Variants in PAX6 observed in about 807,000 individuals in gnomAD.
The protein encoded by PAX6 is paired box protein Pax-6.
Under a neutral mutation model 60.7 loss-of-function variants are expected in PAX6, and 7 were observed. The ratio of observed to expected loss-of-function variants is 0.12; its 90% CI spans 0.07 to 0.22. The LOEUF (loss-of-function observed/expected upper bound fraction) is 0.22. PAX6 is among the 10% of genes least tolerant of loss of function. The pLI, the probability that PAX6 is intolerant of heterozygous loss-of-function variation, is 1.00. For missense variants in PAX6, 355 were observed against 555.2 expected (o/e 0.64, Z 3.62); for synonymous variants, 208 against 201.2 (o/e 1.03, Z -0.29).
intron 2 of PAX6, 67 bp from the exon 3 acceptor site, chr11:31,806,992 C>G (rs1955973069): frequency 6.6e-6 from 1 of 152,436 alleles, no homozygotes; most frequent in African/African-American, 2.4e-5. Context: ...TCCATGGGCT[C>G]TCTGAGCCTC....
Position 31,806,391 on chromosome 11 carries a change from G to T in PAX6, c.10+11C>A, listed in dbSNP as rs954424951. On this transcript the variant is annotated intron_variant, in intron 4 of 13. Coordinates refer to ENST00000640368, the MANE Select transcript of PAX6 (RefSeq NM_001368894.2). ...CGAGCCCGAAGTCCCAGAAAGACCA[G>T]AGGCACTTACTGTTCTGCATGCTGG... 6.2e-7 allele frequency: 1 copy of T among 1,608,894 alleles called. No homozygotes were observed. The highest frequency in any genetic ancestry group is 8.5e-7 in the Non-Finnish European group (1 of 1,177,802).
chr11:31,793,378 T>C (rs1220216125), intron 12 of PAX6, 60 bp downstream of exon 12: 6 of 1,436,696 alleles, frequency 4.2e-6, no homozygotes, highest in Non-Finnish European at 5.9e-6. Context: ...CCGCAGGCCC[T>C]GAGCCACTCC....
chr11:31,806,081 G>T (rs1955706837), intron 4 of PAX6: 2 of 422,660 alleles, frequency 4.7e-6, no homozygotes, highest in South Asian at 5.5e-5. Context: ...TCTCTCCGGG[G>T]TCAGAGCCCG....
intron 12 of PAX6, chr11:31,791,732 C>A (rs945913471): frequency 1.3e-5 from 2 of 152,084 alleles, no homozygotes; most frequent in Admixed American, 6.5e-5. Flanking sequence ...GAGAGGGAAG[C>A]ATATCAGAGA....
chr11:31,803,174 A>C (rs1227364312), intron 4 of PAX6: 1 of 384,070 alleles, frequency 2.6e-6, no homozygotes, highest in Admixed American at 3.7e-5. Flanking sequence ...ATGCCAAGGA[A>C]CAAGTACACA....
intron 10 of PAX6, 48 bp from the exon 11 acceptor site, chr11:31,793,850 G>T (rs770720391): frequency 5.0e-6 from 8 of 1,610,954 alleles, no homozygotes; most frequent in Non-Finnish European, 5.9e-6. Flanking sequence ...GTCGAGCCCA[G>T]CCCCACCTTG....
intron 8 of PAX6, among the ~76,000 whole-genome samples, chr11:31,798,244 C>T (rs1344498901): frequency 1.3e-5 from 2 of 151,870 alleles, no homozygotes; most frequent in African/African-American, 2.4e-5. Context: ...AAAAGTGTCT[C>T]CGTGATCCCT....
At chr11:31,792,995 T>C in intron 12 of PAX6, 1 of 488,116 alleles carries the variant, frequency 2.0e-6, no homozygotes, top group Non-Finnish European at 3.7e-6. Flanking sequence ...GTTTATCACA[T>C]ATACCCAAAG....
At chr11:31,804,509 G>A (rs927378850) in intron 4 of PAX6, 1 of 152,270 alleles carries the variant, frequency 6.6e-6, no homozygotes, top group Non-Finnish European at 1.5e-5. Context: ...GCGTTTGGGG[G>A]ATCTGGGCTC....
intron 8 of PAX6, among the ~76,000 whole-genome samples, chr11:31,796,178 A>G (rs1951439300): frequency 6.6e-6 from 1 of 152,180 alleles, no homozygotes; most frequent in Admixed American, 6.5e-5. Flanking sequence ...GATGACCACC[A>G]ACACTTGAAT....
chr11:31,793,295 C>T (rs886810862), intron 12 of PAX6, 143 bp downstream of exon 12: 19 of 742,366 alleles, frequency 2.6e-5, no homozygotes, highest in Admixed American at 1.4e-4. Context: ...GATTGACTGT[C>T]TCCGACTTGA....
At chr11:31,812,412 C>G (rs1957143257), upstream of PAX6, 1 of 152,154 alleles carries the variant, frequency 6.6e-6, no homozygotes, top group Non-Finnish European at 1.5e-5. Flanking sequence ...GTGCGTGTGT[C>G]TCCGCACCAC....
intron 2 of PAX6, chr11:31,807,628 C>CT (rs1956144701): frequency 6.6e-6 from 1 of 152,336 alleles, no homozygotes; most frequent in Admixed American, 6.5e-5. Flanking sequence ...CACACCCTGT[C>CT]TACCTCGCCT....
In PAX6 at chr11:31,789,558, T is replaced by TTGA; in HGVS notation, c.*373_*375dup. ...ACTCTTAAATTCGTGGCAAAGCTTG[T>TTGA]TGATCATGGTTTTCTTTTTAAAAAA... On this transcript the variant is annotated 3_prime_UTR_variant, in exon 14 of 14. Coordinates refer to ENST00000640368, the MANE Select transcript of PAX6 (RefSeq NM_001368894.2). 6.6e-6 allele frequency: 4 copies of TTGA among 602,910 alleles called. No individual in the cohort carries two copies. The East Asian group carries it at 1.1e-4, about 17-fold the overall frequency. The allele number at this position is 602,910 out of a possible 1,614,324, so 37.3% of individuals were successfully genotyped here.
rs754636793 is a variant in PAX6 at position 31,800,757 on chromosome 11, T to A, written c.499A>T (p.Thr167Ser). The A allele has an allele frequency of 3.1e-6, 5 of 1,614,110 alleles. No individual in the cohort carries two copies. The Middle Eastern group carries it at 4.9e-4, about 159-fold the overall frequency. Reference protein sequence around the residue: ...YDKLRMLNGQTGSWGTRPGWY... With the variant: ...YDKLRMLNGQSGSWGTRPGWY... ...CCAGGGCGGGTGCCCCAGCTTCCGG[T>A]CTGCCCGTTCAACATCCTTAGTTTA... is the stretch of plus-strand genomic sequence containing the variant. The change falls in exon 8 of 14, where the codon ACC becomes TCC. Residue 167 changes from threonine to serine, a missense_variant. Physicochemically the swap from Thr to Ser is moderately conservative, Grantham distance 58. Transcript: ENST00000640368.
upstream of PAX6, chr11:31,814,990 G>GTCTCTCTCCCTCTC (rs1957306512): frequency 7.7e-6 from 1 of 130,368 alleles, no homozygotes; most frequent in African/African-American, 3.3e-5. Flanking sequence ...AGGCCAGCCT[G>GTCTCTCTCCCTCTC]TCTCTCTCTC....
intron 13 of PAX6, 103 bp from the exon 14 acceptor site, chr11:31,790,122 T>TAAAAAA (rs1949392816): frequency 1.7e-6 from 1 of 589,218 alleles, no homozygotes; most frequent in African/African-American, 2.7e-5. Context: ...AAAAAAAAAC[T>TAAAAAA]AATACTTTCT....
In PAX6 at chr11:31,800,914, C is replaced by T. The variant is rs1159142998; in HGVS notation, c.400-58G>A. ...AGTGTCTCCTGAAGACACAGTCACCCATCTCAGCTCACCCACAACCTTAAA... is the reference window on the plus strand; with the variant it reads ...AGTGTCTCCTGAAGACACAGTCACCTATCTCAGCTCACCCACAACCTTAAA... On this transcript the variant is annotated intron_variant, in intron 7 of 13. Transcript: ENST00000640368. 16 of 1,549,182 alleles carry T rather than the reference C, an allele frequency of 1.0e-5. 1 individual carries two copies. The Admixed American group carries it at 2.7e-4, about 26-fold the overall frequency.
upstream of PAX6, among the ~76,000 whole-genome samples, chr11:31,815,521 TG>T (rs1055399484): frequency 1.3e-5 from 2 of 150,852 alleles, no homozygotes; most frequent in Admixed American, 1.3e-4. Flanking sequence ...GATTTGAGGC[TG>T]GGGAGGGGGA....
Sources: gnomAD v4.1 joint callset for allele counts (sites outside exome capture counted in the v4.1 genomes callset) on GRCh38, gnomAD v4.1.1 for gene constraint, MANE v1.5 for transcripts, NCBI Gene and HGNC (gene_info 2026-07-23, HGNC 2026-07-21) for gene names.